FBXL14: variants seen among roughly 807,000 people sequenced by gnomAD.
FBXL14 encodes F-box and leucine rich repeat protein 14.
A neutral mutation model predicts 24.5 loss-of-function variants in FBXL14; 11 were observed. The ratio of observed to expected loss-of-function variants is 0.45; its 90% CI spans 0.28 to 0.74. The LOEUF is 0.74. Among genes scored for constraint, FBXL14 ranks in the 30% least tolerant of loss-of-function variants. The pLI, the probability that FBXL14 is intolerant of heterozygous loss-of-function variation, is 0.12. For synonymous variants in FBXL14, 294 were observed against 240.4 expected (o/e 1.22, Z -2.06); for missense variants, 384 against 545.6 (o/e 0.70, Z 2.95).
rs550119207 is a variant in FBXL14, at chr12:1,566,001, A to C, written c.*747T>G. 6.5e-6 allele frequency: 1 copy of C among 152,758 alleles called. No homozygotes were observed. The highest frequency in any genetic ancestry group is 2.4e-5 in the African/African-American group (1 of 41,586). The allele number at this position is 152,758 out of a possible 1,614,324, so 9.5% of individuals were successfully genotyped here. On this transcript the variant is annotated 3_prime_UTR_variant, in exon 2 of 2. Transcript: ENST00000339235. ...ACAACAAAAAACCCAAATGGAATCT[A>C]TAAAGGGAAGACAGATATATTCTAC... is the stretch of plus-strand genomic sequence containing the variant.
chr12:1,567,908 C>T lies in FBXL14; in HGVS notation c.1195-1098G>A, dbSNP rs1233624290. ...ACACGCGCGCACACACGTGCGCACA[C>T]ACACAGAACAGAATATCCAAGAACT... is the stretch of plus-strand genomic sequence containing the variant. On this transcript the variant is annotated intron_variant, in intron 1 of 1. Coordinates refer to ENST00000339235, the MANE Select transcript of FBXL14 (RefSeq NM_152441.3). The surrounding 1 kb of genome is among the most constrained non-coding windows in gnomAD (Gnocchi z 4.8). Among the ~76,000 whole-genome samples, 1 of 152,222 alleles carries T rather than the reference C, an allele frequency of 6.6e-6. No homozygotes were observed. Among genetic ancestry groups the T allele is most frequent in the East Asian group, 1.9e-4 (1 of 5,202 alleles).
chr12:1,589,024 A>G (rs12298630), intron 1 of FBXL14, among the ~76,000 whole-genome samples: 1 of 151,476 alleles, frequency 6.6e-6, no homozygotes, highest in Non-Finnish European at 1.5e-5. Context: ...TATGAGGGTC[A>G]CCTTACTGGA....
At chr12:1,581,790 G>GAAAAAAAA (rs1444689338) in intron 1 of FBXL14, among the ~76,000 whole-genome samples, 1 of 152,136 alleles carries the variant, frequency 6.6e-6, no homozygotes, top group African/African-American at 2.4e-5. Flanking sequence ...AAATTCAAAG[G>GAAAAAAAA]TTGTTTCTGT....
In FBXL14 at chr12:1,569,543, G is replaced by A. The variant is rs2094441808; in HGVS notation, c.1195-2733C>T. ...AGCCTCCTGAGTAGCTGGGATTACA[G>A]GCGCCCGCCACCACGCCCGGCTAAT... On this transcript the variant is annotated intron_variant, in intron 1 of 1. Transcript: ENST00000339235. This position sits in a 1 kb window ranked among gnomAD's most constrained non-coding sequence, Gnocchi z 4.2. Among the ~76,000 whole-genome samples, 1 of 152,138 alleles carries A rather than the reference G, an allele frequency of 6.6e-6. No individual in the cohort carries two copies. Among genetic ancestry groups the A allele is most frequent in the Non-Finnish European group, 1.5e-5 (1 of 68,014 alleles).
chr12:1,588,962 C>A (rs2094482595), intron 1 of FBXL14, among the ~76,000 whole-genome samples: 1 of 151,502 alleles, frequency 6.6e-6, no homozygotes, highest in Non-Finnish European at 1.5e-5. Flanking sequence ...TGAAGTACTG[C>A]CCTATGGCAT....
At position 1,593,097 on chromosome 12, in the gene FBXL14, G is replaced by A. The variant is rs2094494217; in HGVS notation, c.970C>T (p.Arg324Cys). The A allele has an allele frequency of 6.2e-7, 1 of 1,613,476 alleles. No individual in the cohort carries two copies. The highest frequency in any genetic ancestry group is 8.5e-7 in the Non-Finnish European group (1 of 1,180,028). ...SCHISDDGIN[R>C]MVRQMHGLRT... ...AGCCCGTGCATCTGCCGCACCATGCGGTTGATGCCATCATCACTGATGTGG... is the reference window on the plus strand; with the variant it reads ...AGCCCGTGCATCTGCCGCACCATGCAGTTGATGCCATCATCACTGATGTGG... Residue 324 changes from arginine to cysteine, a missense_variant, in exon 1 of 2, where the codon CGC (arginine) becomes TGC (cysteine). Arg to Cys is a radical substitution (Grantham distance 180). Transcript: ENST00000339235. The surrounding 1 kb of genome is among the most constrained non-coding windows in gnomAD (Gnocchi z 7.4).
chr12:1,580,031 G>T (rs189028440), intron 1 of FBXL14, among the ~76,000 whole-genome samples: 1 of 152,200 alleles, frequency 6.6e-6, no homozygotes, highest in African/African-American at 2.4e-5. Context: ...CCAATAGACC[G>T]ATACACATAG....
At chr12:1,573,651 G>C (rs1414538635) in intron 1 of FBXL14, among the ~76,000 whole-genome samples, 1 of 152,212 alleles carries the variant, frequency 6.6e-6, no homozygotes, top group Non-Finnish European at 1.5e-5. Context: ...GAGTTCTCCA[G>C]TCAAACAGAG....
chr12:1,593,620 C>G lies in FBXL14; in HGVS notation c.447G>C (p.Glu149Asp), dbSNP rs532374578. 57 of 1,614,008 alleles carry G rather than the reference C, an allele frequency of 3.5e-5. No individual in the cohort carries two copies. The highest frequency in any genetic ancestry group is 4.6e-5 in the Non-Finnish European group (54 of 1,180,018). ...AQYLKGLEVL[E>D]LGGCSNITNT... ...TGGTGATGTTGCTGCAACCTCCCAG[C>G]TCCAGCACCTCCAGGCCCTTGAGGT... The change falls in exon 1 of 2, where the codon GAG becomes GAC. Residue 149 changes from glutamate to aspartate, a missense_variant. By Grantham distance (45) the Glu-to-Asp change is conservative. Coordinates refer to ENST00000339235, the MANE Select transcript of FBXL14 (RefSeq NM_152441.3). This position sits in a 1 kb window ranked among gnomAD's most constrained non-coding sequence, Gnocchi z 7.4.
intron 1 of FBXL14, among the ~76,000 whole-genome samples, chr12:1,570,442 G>A (rs962154683): frequency 1.3e-5 from 2 of 152,182 alleles, no homozygotes; most frequent in African/African-American, 4.8e-5. Context: ...CGCAAAAAAA[G>A]TGCAGGAGCT....
intron 1 of FBXL14, among the ~76,000 whole-genome samples, chr12:1,568,289 C>A (rs2094439569): frequency 6.6e-6 from 1 of 152,124 alleles, no homozygotes; most frequent in African/African-American, 2.4e-5. Context: ...AACCCACCAG[C>A]CTAGAACTCT....
At chr12:1,583,799 G>C (rs1263217370) in intron 1 of FBXL14, among the ~76,000 whole-genome samples, 1 of 152,132 alleles carries the variant, frequency 6.6e-6, no homozygotes, top group Non-Finnish European at 1.5e-5. Flanking sequence ...CTAAAATCAT[G>C]TTCATAAACT....
intron 1 of FBXL14, chr12:1,587,624 T>C (rs957100416): frequency 1.4e-4 from 22 of 152,224 alleles, no homozygotes; most frequent in Admixed American, 5.2e-4. Context: ...AGCTGAGATA[T>C]ATGCTCTTGT....
intron 1 of FBXL14, chr12:1,574,988 C>T (rs1427373925): frequency 6.6e-5 from 10 of 152,014 alleles, no homozygotes; most frequent in African/African-American, 2.2e-4. Context: ...GAACAAATTG[C>T]TCCTGAACTA....
intron 1 of FBXL14, among the ~76,000 whole-genome samples, chr12:1,589,738 G>A (rs1001096153): frequency 2.6e-5 from 4 of 152,182 alleles, no homozygotes; most frequent in African/African-American, 9.7e-5. Context: ...AACCACTCTA[G>A]GTGGTTTATC....
intron 1 of FBXL14, among the ~76,000 whole-genome samples, chr12:1,568,407 A>G (rs1356419941): frequency 6.6e-6 from 1 of 152,238 alleles, no homozygotes; most frequent in Non-Finnish European, 1.5e-5. Flanking sequence ...AAGAAATGTT[A>G]CAAGAAATTC....
intron 1 of FBXL14, among the ~76,000 whole-genome samples, chr12:1,585,058 G>T (rs1434373412): frequency 1.3e-5 from 2 of 152,206 alleles, no homozygotes; most frequent in African/African-American, 4.8e-5. Flanking sequence ...GCTCCTCCCT[G>T]TTTAGTGACT....
intron 1 of FBXL14, among the ~76,000 whole-genome samples, chr12:1,570,590 C>T (rs572845712): frequency 6.6e-6 from 1 of 152,248 alleles, no homozygotes; most frequent in South Asian, 2.1e-4. Flanking sequence ...GTAGGCTCTC[C>T]TGGGTCTGAT....
chr12:1,592,098 C>G (rs1397972892), intron 1 of FBXL14, among the ~76,000 whole-genome samples: 1 of 151,326 alleles, frequency 6.6e-6, no homozygotes, highest in African/African-American at 2.4e-5. Flanking sequence ...AGTCTAGGCA[C>G]AAACATGTTT....
Sources: gnomAD v4.1 joint callset for allele counts (sites outside exome capture counted in the v4.1 genomes callset) on GRCh38, gnomAD v4.1.1 for gene constraint, Gnocchi (gnomAD v3.1) non-coding constraint, MANE v1.5 for transcripts, NCBI Gene and HGNC (gene_info 2026-07-23, HGNC 2026-07-21) for gene names.